Variants in LRBA observed in about 807,000 individuals in gnomAD.
LRBA encodes the protein LPS responsive beige-like anchor protein.
Under a neutral mutation model 330.0 loss-of-function variants are expected in LRBA, and 176 were observed. The ratio of observed to expected loss-of-function variants is 0.53; its 90% CI spans 0.47 to 0.60. The LOEUF (loss-of-function observed/expected upper bound fraction) is 0.60, where lower values mean the gene tolerates loss of function less well. Ranked by LOEUF, LRBA falls within the 20% of genes least tolerant of loss-of-function variation. LRBA has a pLI of 0.00. For synonymous variants in LRBA, 1,230 were observed against 1,193.0 expected (o/e 1.03, Z -0.64); for missense variants, 3,259 against 3,444.8 (o/e 0.95, Z 1.35).
At chr4:150,902,298 A>G (rs1004446602) in intron 13 of LRBA, among the ~76,000 whole-genome samples, 5 of 152,216 alleles carry the variant, frequency 3.3e-5, no homozygotes, top group Non-Finnish European at 7.3e-5. Flanking sequence ...TGGTTGAAAT[A>G]AAGGTTTCCC....
chr4:150,687,843 G>C (rs938829438), intron 36 of LRBA, among the ~76,000 whole-genome samples: 1 of 152,124 alleles, frequency 6.6e-6, no homozygotes, highest in African/African-American at 2.4e-5. Context: ...CTCATGGATA[G>C]GAAGAATCAA....
At chr4:150,320,622 C>A (rs1399734167) in intron 50 of LRBA, among the ~76,000 whole-genome samples, 1 of 151,866 alleles carries the variant, frequency 6.6e-6, no homozygotes, top group Non-Finnish European at 1.5e-5. Flanking sequence ...GCCTGGGCAA[C>A]ATAGCGAGCC....
chr4:150,585,138 C>T (rs1771935501), intron 40 of LRBA, among the ~76,000 whole-genome samples: 1 of 152,120 alleles, frequency 6.6e-6, no homozygotes, highest in Admixed American at 6.5e-5. Context: ...TCAGTTGATA[C>T]TTTTCCTTCA....
intron 49 of LRBA, among the ~76,000 whole-genome samples, chr4:150,323,025 G>GTGTGTGTGTGT (rs373782725): frequency 7.0e-6 from 1 of 142,542 alleles, no homozygotes; most frequent in Non-Finnish European, 1.5e-5. Flanking sequence ...GTGTGTGTGT[G>GTGTGTGTGTGT]GGGATGCATT....
intron 37 of LRBA, among the ~76,000 whole-genome samples, chr4:150,610,432 A>G (rs1006104196): frequency 5.3e-5 from 8 of 152,152 alleles, no homozygotes; most frequent in African/African-American, 1.9e-4. Context: ...TACTAAAGAC[A>G]TAAAAAATTA....
At chr4:150,726,354 C>G (rs888277539) in intron 36 of LRBA, among the ~76,000 whole-genome samples, 14 of 152,044 alleles carry the variant, frequency 9.2e-5, no homozygotes, top group African/African-American at 2.9e-4. Flanking sequence ...TACATTTAAT[C>G]AGATAAAATA....
At chr4:150,437,663 C>A (rs1751305409) in intron 44 of LRBA, among the ~76,000 whole-genome samples, 1 of 151,134 alleles carries the variant, frequency 6.6e-6, no homozygotes, top group Non-Finnish European at 1.5e-5. Context: ...ATGGTGAAAA[C>A]CCTGAGCTCA....
chr4:150,770,407 C>A (rs1339943758), intron 34 of LRBA, among the ~76,000 whole-genome samples: 8 of 152,216 alleles, frequency 5.3e-5, no homozygotes, highest in Non-Finnish European at 1.2e-4. Context: ...GATATGTATA[C>A]TTTCCTAATA....
At chr4:150,589,476 A>G (rs1772551560) in intron 39 of LRBA, among the ~76,000 whole-genome samples, 1 of 152,224 alleles carries the variant, frequency 6.6e-6, no homozygotes, top group Admixed American at 6.5e-5. Flanking sequence ...TTATAAATGG[A>G]TGAAATAAGA....
intron 37 of LRBA, among the ~76,000 whole-genome samples, chr4:150,607,588 G>A (rs921146609): frequency 2.6e-5 from 4 of 151,594 alleles, no homozygotes; most frequent in African/African-American, 9.7e-5. Context: ...AAAGAGAAGA[G>A]GCCTGTGCTA....
chr4:150,418,562 T>G (rs1276754247), intron 46 of LRBA, among the ~76,000 whole-genome samples: 1 of 152,194 alleles, frequency 6.6e-6, no homozygotes, highest in African/African-American at 2.4e-5. Context: ...AAGGAAACAT[T>G]TTATGTAAAT....
At chr4:150,294,330 C>T (rs1728698470) in intron 53 of LRBA, among the ~76,000 whole-genome samples, 1 of 152,190 alleles carries the variant, frequency 6.6e-6, no homozygotes, top group Non-Finnish European at 1.5e-5. Context: ...ATTGCATCAA[C>T]TTCTCTATAG....
intron 47 of LRBA, among the ~76,000 whole-genome samples, chr4:150,371,855 A>G (rs935219792): frequency 3.9e-5 from 6 of 152,146 alleles, no homozygotes; most frequent in Non-Finnish European, 7.4e-5. Context: ...AATTATCCTT[A>G]AACAAATTAT....
chr4:150,333,656 T>A (rs1734267937), intron 48 of LRBA, among the ~76,000 whole-genome samples: 1 of 152,188 alleles, frequency 6.6e-6, no homozygotes, highest in African/African-American at 2.4e-5. Context: ...TGTTTGAACT[T>A]AAATTGTAGA....
intron 2 of LRBA, among the ~76,000 whole-genome samples, chr4:150,935,011 A>G (rs1734938855): frequency 2.5e-4 from 2 of 7,892 alleles, no homozygotes; most frequent in Non-Finnish European, 4.8e-3. Flanking sequence ...TCCATCTCAG[A>G]AAAAAAAAAA....
intron 17 of LRBA, among the ~76,000 whole-genome samples, chr4:150,874,641 C>T (rs1195614482): frequency 6.6e-6 from 1 of 152,168 alleles, no homozygotes; most frequent in East Asian, 1.9e-4. Flanking sequence ...CAGCCTGCTA[C>T]CCTGACACTG....
chr4:150,639,815 G>GTATA (rs1231007497), intron 37 of LRBA, among the ~76,000 whole-genome samples: 4 of 4,882 alleles, frequency 8.2e-4, no homozygotes, highest in African/African-American at 1.7e-3. Context: ...ATGTGTGTGT[G>GTATA]TGTGTATATA....
At chr4:150,770,696 T>A (rs1453989280) in intron 34 of LRBA, among the ~76,000 whole-genome samples, 1 of 152,108 alleles carries the variant, frequency 6.6e-6, no homozygotes, top group Admixed American at 6.5e-5. Context: ...AGTTGGTATC[T>A]ACAACTACCT....
intron 35 of LRBA, among the ~76,000 whole-genome samples, chr4:150,736,539 A>C (rs1731201181): frequency 6.6e-6 from 1 of 152,090 alleles, no homozygotes; most frequent in Admixed American, 6.5e-5. Context: ...GTCAATGACA[A>C]CTAGACTGAA....
Sources: allele counts gnomAD v4.1 joint callset (sites outside exome capture counted in the v4.1 genomes callset), GRCh38; gene constraint gnomAD v4.1.1; transcripts MANE v1.5; gene names NCBI Gene and HGNC (gene_info 2026-07-23, HGNC 2026-07-21).